OPCML: variants seen among roughly 807,000 people sequenced by gnomAD.
OPCML encodes the protein opioid binding protein/cell adhesion molecule like.
OPCML carries 13 observed loss-of-function variants against 37.8 expected under a neutral mutation model. The observed-to-expected ratio is 0.34, with a 90% CI of 0.22 to 0.55. OPCML has a LOEUF of 0.55. OPCML is among the 20% of genes least tolerant of loss of function. The probability of loss-of-function intolerance (pLI) is 0.91; values close to 1 mark genes in which losing one functional copy is unlikely to be tolerated. For missense variants in OPCML, 341 were observed against 435.6 expected, an observed-to-expected ratio of 0.78 and a Z score of 1.93; for synonymous variants, 176 against 168.8, an observed-to-expected ratio of 1.04 and a Z score of -0.33.
At chr11:132,936,176 C>G (rs1307668587) in intron 2 of OPCML, among the ~76,000 whole-genome samples, 1 of 152,214 alleles carries the variant, frequency 6.6e-6, no homozygotes, top group African/African-American at 2.4e-5. Context: ...CTGCAGCCTT[C>G]AACTGAAATG....
chr11:133,031,192 T>C (rs7483004), intron 1 of OPCML, among the ~76,000 whole-genome samples: 97,729 of 152,066 alleles, frequency 0.64, 32,055 homozygotes, highest in East Asian at 0.8. Context: ...CATAGGTGAA[T>C]GAATGGATGG....
At chr11:133,222,501 T>A (rs1292741116) in intron 1 of OPCML, among the ~76,000 whole-genome samples, 2 of 152,014 alleles carry the variant, frequency 1.3e-5, no homozygotes, top group Admixed American at 1.3e-4. Context: ...GGAGACCACA[T>A]CCACTCTAGG....
At chr11:133,296,462 G>A (rs1281678169) in intron 1 of OPCML, among the ~76,000 whole-genome samples, 1 of 152,168 alleles carries the variant, frequency 6.6e-6, no homozygotes, top group East Asian at 1.9e-4. Flanking sequence ...TACAGACTCT[G>A]ATCATAGAGG....
chr11:132,708,837 A>T (rs1461822160), intron 2 of OPCML, among the ~76,000 whole-genome samples: 1 of 152,224 alleles, frequency 6.6e-6, no homozygotes, highest in Non-Finnish European at 1.5e-5. Context: ...TACCAGTGTC[A>T]CCAGATATTA....
intron 3 of OPCML, among the ~76,000 whole-genome samples, chr11:132,557,584 C>T (rs928653513): frequency 6.6e-6 from 1 of 152,202 alleles, no homozygotes; most frequent in African/African-American, 2.4e-5. Context: ...ATAATCCATT[C>T]CAAAGTTCGC....
chr11:133,381,653 A>T (rs1470725671), intron 1 of OPCML, among the ~76,000 whole-genome samples: 2 of 152,210 alleles, frequency 1.3e-5, no homozygotes, highest in Non-Finnish European at 2.9e-5. Context: ...GGTCTGATGT[A>T]GAGACAGAAG....
chr11:132,679,032 T>G (rs1942828886), intron 2 of OPCML, among the ~76,000 whole-genome samples: 1 of 152,066 alleles, frequency 6.6e-6, no homozygotes. Flanking sequence ...CTAAAACTGC[T>G]CTAAAAATAA....
At chr11:133,368,435 C>A (rs1457813283) in intron 1 of OPCML, among the ~76,000 whole-genome samples, 2 of 152,094 alleles carry the variant, frequency 1.3e-5, no homozygotes, top group African/African-American at 2.4e-5. Context: ...GTGTACCTAG[C>A]ATTATAATGG....
At chr11:132,630,014 A>C (rs1432094116) in intron 3 of OPCML, among the ~76,000 whole-genome samples, 1 of 152,210 alleles carries the variant, frequency 6.6e-6, no homozygotes, top group African/African-American at 2.4e-5. Context: ...CTGGCGTTTA[A>C]AAAAATTAAA....
At chr11:133,113,292 A>G (rs1592013413) in intron 1 of OPCML, among the ~76,000 whole-genome samples, 1 of 152,154 alleles carries the variant, frequency 6.6e-6, no homozygotes, top group Non-Finnish European at 1.5e-5. Flanking sequence ...TTAAAGAGCA[A>G]TGGGGAAGTT....
At chr11:132,492,858 T>G (rs1010476118) in intron 4 of OPCML, among the ~76,000 whole-genome samples, 5 of 152,172 alleles carry the variant, frequency 3.3e-5, no homozygotes, top group Non-Finnish European at 4.4e-5. Flanking sequence ...ATATTTTGAA[T>G]GAATGAATAA....
chr11:132,720,279 T>C (rs991273663), intron 2 of OPCML, among the ~76,000 whole-genome samples: 1 of 152,172 alleles, frequency 6.6e-6, no homozygotes, highest in African/African-American at 2.4e-5. Flanking sequence ...CCCCAGGAGC[T>C]AGCCTGCCGG....
intron 1 of OPCML, among the ~76,000 whole-genome samples, chr11:133,076,708 G>GTCATCATCATCA (rs10676415): frequency 6.6e-6 from 1 of 151,008 alleles, no homozygotes; most frequent in South Asian, 2.1e-4. Flanking sequence ...CCTCATCATT[G>GTCATCATCATCA]TCATCATCAT....
intron 1 of OPCML, among the ~76,000 whole-genome samples, chr11:133,165,012 G>T (rs1229177371): frequency 6.6e-6 from 1 of 152,188 alleles, no homozygotes; most frequent in African/African-American, 2.4e-5. Context: ...AAGGGTAAAT[G>T]AACTAGAAAC....
intron 3 of OPCML, among the ~76,000 whole-genome samples, chr11:132,652,744 C>T (rs2135755741): frequency 6.6e-6 from 1 of 152,306 alleles, no homozygotes; most frequent in South Asian, 2.1e-4. Context: ...ACATCGAGGA[C>T]CCTCTCCCCT....
intron 2 of OPCML, among the ~76,000 whole-genome samples, chr11:132,698,878 T>C (rs150238598): frequency 1.2e-4 from 18 of 152,232 alleles, no homozygotes; most frequent in African/African-American, 4.1e-4. Flanking sequence ...TTTAGAATTG[T>C]TCTTTATATT....
intron 1 of OPCML, among the ~76,000 whole-genome samples, chr11:133,213,082 A>C (rs1939432090): frequency 6.6e-6 from 1 of 152,206 alleles, no homozygotes; most frequent in South Asian, 2.1e-4. Flanking sequence ...ATGTAGAGCA[A>C]CACCATGGAC....
intron 1 of OPCML, among the ~76,000 whole-genome samples, chr11:133,335,456 G>A (rs1035897661): frequency 6.6e-6 from 1 of 152,126 alleles, no homozygotes; most frequent in Non-Finnish European, 1.5e-5. Context: ...CACCCCTGGA[G>A]GCTGCATCCA....
At chr11:133,504,541 A>G (rs2120567490) in intron 1 of OPCML, among the ~76,000 whole-genome samples, 1 of 152,236 alleles carries the variant, frequency 6.6e-6, no homozygotes, top group South Asian at 2.1e-4. Context: ...TCCATAACAG[A>G]CTTTTGTGAG....
Sources: allele counts gnomAD v4.1 joint callset (sites outside exome capture counted in the v4.1 genomes callset), GRCh38; gene constraint gnomAD v4.1.1; transcripts MANE v1.5; gene names NCBI Gene and HGNC (gene_info 2026-07-23, HGNC 2026-07-21).